Variants in KIAA1217 observed in about 807,000 individuals in gnomAD.
KIAA1217 encodes sickle tail protein homolog.
In KIAA1217, 88 loss-of-function variants were observed where a neutral mutation model predicts 163.9. The ratio of observed to expected loss-of-function variants is 0.54; its 90% CI spans 0.45 to 0.64. The LOEUF (loss-of-function observed/expected upper bound fraction) is 0.64. KIAA1217 is among the 30% of genes least tolerant of loss of function. The pLI is 0.00. For missense variants in KIAA1217, 2,372 were observed against 2,475.0 expected (o/e 0.96, Z 0.88); for synonymous variants, 903 against 923.1 (o/e 0.98, Z 0.39).
At chr10:24,323,669 G>A (rs748359421) in intron 2 of KIAA1217, among the ~76,000 whole-genome samples, 3 of 152,108 alleles carry the variant, frequency 2.0e-5, no homozygotes, top group Non-Finnish European at 4.4e-5. Context: ...GTAAAAACCA[G>A]CTGGGTAGGA....
chr10:23,975,323 G>T (rs957929382), intron 1 of KIAA1217, among the ~76,000 whole-genome samples: 2 of 152,110 alleles, frequency 1.3e-5, no homozygotes, highest in Non-Finnish European at 2.9e-5. Flanking sequence ...TCAGGGAAAT[G>T]CTTGGCTGGC....
intron 6 of KIAA1217, among the ~76,000 whole-genome samples, chr10:24,484,241 A>AT (rs59233394): frequency 0.02 from 1,505 of 75,222 alleles, 74 homozygotes; most frequent in East Asian, 0.057. Flanking sequence ...ATATATATAT[A>AT]TTTTTTTTTT....
intron 2 of KIAA1217, among the ~76,000 whole-genome samples, chr10:24,035,376 A>C (rs1848347703): frequency 6.6e-6 from 1 of 152,064 alleles, no homozygotes; most frequent in Non-Finnish European, 1.5e-5. Flanking sequence ...TTGGGAGGCA[A>C]TTTTTTGTCT....
chr10:24,220,310 GAATGAATGAAGT>G (rs1434099146), intron 2 of KIAA1217, among the ~76,000 whole-genome samples: 2 of 152,176 alleles, frequency 1.3e-5, no homozygotes, highest in Admixed American at 6.5e-5. Context: ...TTAGCACTGT[GAATGAATGAAGT>G]AATGAATGAA....
At chr10:24,045,827 C>T (rs1589287075) in intron 2 of KIAA1217, among the ~76,000 whole-genome samples, 1 of 152,178 alleles carries the variant, frequency 6.6e-6, no homozygotes, top group Admixed American at 6.5e-5. Flanking sequence ...TTATTCTGAA[C>T]CAATGGTCTC....
chr10:23,954,956 A>T lies in KIAA1217; in HGVS notation c.-320-52269A>T, dbSNP rs370335335. Among the ~76,000 whole-genome samples, 4 of 152,322 alleles carry T rather than the reference A, an allele frequency of 2.6e-5. No individual in the cohort carries two copies. In the East Asian group the frequency reaches 5.8e-4, roughly 22 times the overall value. ...AATCTTGGCTTTGCTACTGATTAACATGGTATCTAGATTAAGTTACTTAGT... is the reference window on the plus strand; with the variant it reads ...AATCTTGGCTTTGCTACTGATTAACTTGGTATCTAGATTAAGTTACTTAGT... On this transcript the variant is annotated intron_variant, in intron 1 of 18. Transcript: ENST00000376462.
chr10:24,160,304 T>C (rs2065063341), intron 2 of KIAA1217, among the ~76,000 whole-genome samples: 1 of 152,166 alleles, frequency 6.6e-6, no homozygotes, highest in African/African-American at 2.4e-5. Flanking sequence ...AATACATCAA[T>C]TTAGGCAAAA....
intron 12 of KIAA1217, 149 bp downstream of exon 12, chr10:24,522,078 A>G: frequency 1.2e-6 from 1 of 817,722 alleles, no homozygotes; most frequent in Non-Finnish European, 1.8e-6. Flanking sequence ...TCACCCTTGA[A>G]CTTTTATTGC....
At chr10:24,412,911 A>G (rs970552585) in intron 3 of KIAA1217, among the ~76,000 whole-genome samples, 14 of 152,120 alleles carry the variant, frequency 9.2e-5, no homozygotes, top group African/African-American at 3.4e-4. Flanking sequence ...CAATAAAACT[A>G]TCTCCTCCCA....
intron 13 of KIAA1217, among the ~76,000 whole-genome samples, chr10:24,525,070 T>G: frequency 6.6e-6 from 1 of 150,938 alleles, no homozygotes; most frequent in African/African-American, 2.5e-5. Flanking sequence ...CTGGTAGCGG[T>G]TGTGGCGGCG....
At chr10:23,989,343 G>A (rs898383877) in intron 1 of KIAA1217, among the ~76,000 whole-genome samples, 1 of 152,178 alleles carries the variant, frequency 6.6e-6, no homozygotes, top group African/African-American at 2.4e-5. Context: ...ATAAAGAAAT[G>A]GAGACCCCAA....
At chr10:23,783,276 G>A (rs1371137822) in intron 1 of KIAA1217, among the ~76,000 whole-genome samples, 2 of 152,178 alleles carry the variant, frequency 1.3e-5, no homozygotes, top group Non-Finnish European at 2.9e-5. Context: ...ATCCTGGCCT[G>A]CATGTGGCCC....
rs78479390 is a variant in KIAA1217 at position 24,279,493 on chromosome 10, T to A, written c.354+59584T>A. Among the ~76,000 whole-genome samples the A allele has an allele frequency of 2.2e-3, 337 of 152,198 alleles. 1 individual carries two copies. The highest frequency in any genetic ancestry group is 7.3e-3 in the African/African-American group (305 of 41,528). On this transcript the variant is annotated intron_variant, in intron 2 of 20. Coordinates refer to ENST00000376454, the MANE Select transcript of KIAA1217 (RefSeq NM_019590.5). ...TACTAATTAATGAGTATGTGGAAAA[T>A]TTTCCCTAGAAAATGAAGTGTTTGT...
At chr10:24,544,565 A>G (rs2075487632) in intron 19 of KIAA1217, 84 bp downstream of exon 19, 2 of 1,473,672 alleles carry the variant, frequency 1.4e-6, no homozygotes, top group Admixed American at 4.8e-5. Flanking sequence ...GTGTCTTGTA[A>G]CTTAATTGCT....
At chr10:23,812,122 A>T (rs1837091450) in intron 1 of KIAA1217, among the ~76,000 whole-genome samples, 1 of 152,144 alleles carries the variant, frequency 6.6e-6, no homozygotes, top group African/African-American at 2.4e-5. Flanking sequence ...TAAGTTTGAG[A>T]TATTATGGGA....
At chr10:24,493,024 A>G (rs1282871275) in intron 6 of KIAA1217, among the ~76,000 whole-genome samples, 6 of 151,950 alleles carry the variant, frequency 3.9e-5, no homozygotes, top group African/African-American at 1.5e-4. Flanking sequence ...TTTTGTATTT[A>G]TAGTAGAGAC....
At chr10:24,090,937 C>T (rs749676343) in intron 2 of KIAA1217, among the ~76,000 whole-genome samples, 26 of 151,882 alleles carry the variant, frequency 1.7e-4, no homozygotes, top group Non-Finnish European at 3.1e-4. Flanking sequence ...GCCCAACTCA[C>T]CATCGGCAAA....
At chr10:23,846,494 T>C (rs1008746323) in intron 1 of KIAA1217, among the ~76,000 whole-genome samples, 3 of 152,198 alleles carry the variant, frequency 2.0e-5, no homozygotes, top group Non-Finnish European at 4.4e-5. Context: ...TTTGTAGTAA[T>C]TGTGAATGGG....
chr10:24,192,727 G>A (rs1485106149), intron 2 of KIAA1217, among the ~76,000 whole-genome samples: 1 of 152,216 alleles, frequency 6.6e-6, no homozygotes, highest in African/African-American at 2.4e-5. Context: ...CATTTACAAT[G>A]TCTGGGGTGG....
Sources: allele counts gnomAD v4.1 joint callset (sites outside exome capture counted in the v4.1 genomes callset), GRCh38; gene constraint gnomAD v4.1.1; transcripts MANE v1.5; gene names NCBI Gene and HGNC (gene_info 2026-07-23, HGNC 2026-07-21).